The following SMARCC1 variants were observed in gnomAD, a reference collection of about 807,000 sequenced individuals.
SMARCC1 encodes SWI/SNF related BAF chromatin remodeling complex subunit C1, also known as SWI/SNF complex subunit SMARCC1.
A neutral mutation model predicts 147.4 loss-of-function variants in SMARCC1; 43 were observed. The ratio of observed to expected loss-of-function variants is 0.29; its 90% CI spans 0.23 to 0.38. The LOEUF is 0.38. SMARCC1 is among the 10% of genes least tolerant of loss of function. SMARCC1 has a pLI of 1.00. For missense variants in SMARCC1, 1,119 were observed against 1,381.1 expected (o/e 0.81, Z 3.01); for synonymous variants, 495 against 484.4 (o/e 1.02, Z -0.29).
At chr3:47,603,625 T>C (rs969615838) in intron 26 of SMARCC1, 10 of 208,488 alleles carry the variant, frequency 4.8e-5, no homozygotes, top group Admixed American at 2.1e-4. Context: ...GTTTCTATTA[T>C]GACTATTCAC....
At chr3:47,632,024 G>A (rs751887305) in intron 24 of SMARCC1, among the ~76,000 whole-genome samples, 4 of 152,122 alleles carry the variant, frequency 2.6e-5, no homozygotes, top group Non-Finnish European at 4.4e-5. Context: ...ATGAAGATAC[G>A]AGCTCCTAGT....
intron 25 of SMARCC1, 56 bp from the exon 26 acceptor site, chr3:47,610,383 A>G: frequency 2.5e-6 from 4 of 1,598,500 alleles, no homozygotes; most frequent in East Asian, 2.2e-5. Flanking sequence ...TCAGGATTGG[A>G]TAACACAAAG....
chr3:47,636,906 A>G lies in SMARCC1; in HGVS notation c.2377-770T>C, dbSNP rs2032978397. Among the ~76,000 whole-genome samples the G allele has an allele frequency of 2.0e-5, 3 of 152,076 alleles. No individual in the cohort carries two copies. The South Asian group carries it at 6.2e-4, about 32-fold the overall frequency. On this transcript the variant is annotated intron_variant, in intron 22 of 27. Transcript: ENST00000254480. ...ATGTCACACCATCAACAAAGAAGCA[A>G]GTTGAAATGCTGCTGGAAAAGTTGA...
chr3:47,622,137 C>T (rs1173301909), intron 25 of SMARCC1, 70 bp downstream of exon 25: 3 of 1,371,970 alleles, frequency 2.2e-6, no homozygotes, highest in Non-Finnish European at 3.1e-6. Flanking sequence ...TTTATTTTAT[C>T]TAACTTGTTT....
intron 26 of SMARCC1, chr3:47,603,730 C>T: frequency 4.0e-6 from 1 of 251,992 alleles, no homozygotes; most frequent in Non-Finnish European, 7.9e-6. Context: ...GAATGAAATG[C>T]AATGCTGTGT....
At chr3:47,701,245 A>G in intron 11 of SMARCC1, 33 bp downstream of exon 11, 1 of 1,596,036 alleles carries the variant, frequency 6.3e-7, no homozygotes, top group Admixed American at 1.7e-5. Flanking sequence ...TGACTAAATT[A>G]AATCTAACAC....
At chr3:47,740,270 A>G (rs1207645071) in intron 3 of SMARCC1, among the ~76,000 whole-genome samples, 1 of 129,846 alleles carries the variant, frequency 7.7e-6, no homozygotes, top group Non-Finnish European at 1.5e-5. Flanking sequence ...ATCTCAGCTT[A>G]CTGCAACCTC....
intron 5 of SMARCC1, among the ~76,000 whole-genome samples, chr3:47,730,865 TC>T (rs1256753726): frequency 7.1e-6 from 1 of 140,030 alleles, no homozygotes; most frequent in African/African-American, 2.7e-5. Flanking sequence ...AAATGCCATC[TC>T]AAAAAAAAAA....
At chr3:47,649,318 T>C (rs1267152194) in intron 21 of SMARCC1, among the ~76,000 whole-genome samples, 1 of 152,272 alleles carries the variant, frequency 6.6e-6, no homozygotes, top group African/African-American at 2.4e-5. Context: ...TTATAAGCTA[T>C]GAATAGCATC....
At chr3:47,635,145 T>A in intron 24 of SMARCC1, 45 bp downstream of exon 24, 1 of 1,563,542 alleles carries the variant, frequency 6.4e-7, no homozygotes, top group African/African-American at 1.4e-5. Flanking sequence ...AATACGACCA[T>A]TCATGCCTTA....
intron 7 of SMARCC1, 144 bp downstream of exon 7, chr3:47,720,522 C>A: frequency 3.2e-6 from 2 of 620,620 alleles, no homozygotes; most frequent in Non-Finnish European, 5.6e-6. Context: ...AATAAGAAAA[C>A]AGTCAATAAA....
intron 13 of SMARCC1, among the ~76,000 whole-genome samples, chr3:47,688,223 G>A (rs2106771557): frequency 6.6e-6 from 1 of 152,034 alleles, no homozygotes; most frequent in Middle Eastern, 3.4e-3. Context: ...TCATGCCATT[G>A]CACTCCAGCC....
rs181908070 is a variant in SMARCC1 at position 47,587,833 on chromosome 3, T to A, written c.*376A>T. 1 of 202,598 alleles carries A rather than the reference T, an allele frequency of 4.9e-6. No individual in the cohort carries two copies. Among genetic ancestry groups the A allele is most frequent in the Non-Finnish European group, 1.0e-5 (1 of 99,734 alleles). 12.6% of individuals were successfully genotyped at this position (202,598 alleles called of 1,614,324 possible). On this transcript the variant is annotated 3_prime_UTR_variant, in exon 28 of 28. Transcript: ENST00000254480. ...TAAAAAGATAATGATTATATAGCAT[T>A]ATCCATAGAAGCATAAGACAAAGCA...
chr3:47,733,115 CAAAT>C (rs1045689888), intron 5 of SMARCC1, among the ~76,000 whole-genome samples: 1 of 151,850 alleles, frequency 6.6e-6, no homozygotes, highest in Non-Finnish European at 1.5e-5. Flanking sequence ...CAAAAAAAAA[CAAAT>C]AAACAAGCAA....
chr3:47,767,367 A>G (rs2034852737), intron 2 of SMARCC1, among the ~76,000 whole-genome samples: 1 of 145,820 alleles, frequency 6.9e-6, no homozygotes, highest in African/African-American at 2.5e-5. Flanking sequence ...CGGCCTCCTG[A>G]GTAGCTGGGA....
intron 26 of SMARCC1, among the ~76,000 whole-genome samples, chr3:47,600,062 T>TA (rs1049608496): frequency 1.3e-5 from 2 of 152,162 alleles, no homozygotes; most frequent in African/African-American, 4.8e-5. Flanking sequence ...GCCCAACAGC[T>TA]AAAAAAACCT....
rs1463190137 is a variant in SMARCC1, at chr3:47,689,374, A to G, written c.1263+13T>C. Reference sequence around the variant, plus strand: ...GAGAAGCTCTCTCACACCAGGCTTAACTGAATTGTTACCTTTCCTCCTGCT... The same window carrying G: ...GAGAAGCTCTCTCACACCAGGCTTAGCTGAATTGTTACCTTTCCTCCTGCT... On this transcript the variant is annotated intron_variant, in intron 13 of 27. Coordinates refer to ENST00000254480, the MANE Select transcript of SMARCC1 (RefSeq NM_003074.4). 6.2e-7 allele frequency: 1 copy of G among 1,609,278 alleles called. No individual in the cohort carries two copies. The highest frequency in any genetic ancestry group is 1.7e-5 in the Admixed American group (1 of 60,012).
At chr3:47,632,967 TA>T (rs35876011) in intron 24 of SMARCC1, among the ~76,000 whole-genome samples, 87,981 of 146,150 alleles carry the variant, frequency 0.6, 26,822 homozygotes, top group East Asian at 0.72. Context: ...TATATGAAGT[TA>T]AAAAAAAAAA....
Position 47,736,014 on chromosome 3 carries a change from G to C in SMARCC1, c.576+20C>G, listed in dbSNP as rs1312095229. The C allele has an allele frequency of 5.1e-6, 6 of 1,180,786 alleles. No homozygotes were observed. Among genetic ancestry groups the C allele is most frequent in the Middle Eastern group, 3.9e-4 (2 of 5,180 alleles). The allele number at this position is 1,180,786 out of a possible 1,614,324, so 73.1% of individuals were successfully genotyped here. Reference sequence around the variant, plus strand: ...GAAGTGATCGTGTCTATTATTATCTGAAGTGATTGTGTCTATTACCTGATG... The same window carrying C: ...GAAGTGATCGTGTCTATTATTATCTCAAGTGATTGTGTCTATTACCTGATG... On this transcript the variant is annotated intron_variant, in intron 5 of 27. Coordinates refer to ENST00000254480, the MANE Select transcript of SMARCC1 (RefSeq NM_003074.4).
Sources: gnomAD v4.1 joint callset for allele counts (sites outside exome capture counted in the v4.1 genomes callset) on GRCh38, gnomAD v4.1.1 for gene constraint, MANE v1.5 for transcripts, NCBI Gene and HGNC (gene_info 2026-07-23, HGNC 2026-07-21) for gene names.